Variants in GAL3ST2 observed in about 807,000 individuals in gnomAD.
GAL3ST2 encodes the protein galactose-3-O-sulfotransferase 2.
In GAL3ST2, 16 loss-of-function variants were observed where a neutral mutation model predicts 12.9. The observed-to-expected ratio is 1.24, with a 90% CI of 0.84 to 1.88. The LOEUF (loss-of-function observed/expected upper bound fraction) is 1.88, where lower values mean the gene tolerates loss of function less well. Ranked by LOEUF, GAL3ST2 falls within the 40% of genes most tolerant of loss-of-function variation. The probability of loss-of-function intolerance (pLI) is 0.00; values close to 1 mark genes in which losing one functional copy is unlikely to be tolerated. For missense variants in GAL3ST2, 639 were observed against 571.8 expected (o/e 1.12, Z -1.20); for synonymous variants, 302 against 273.9 (o/e 1.10, Z -1.01).
At chr2:241,796,806 A>G (rs62193077) in intron 1 of GAL3ST2, among the ~76,000 whole-genome samples, 55,672 of 151,914 alleles carry the variant, frequency 0.37, 13,015 homozygotes, top group African/African-American at 0.66. Context: ...GGCTGTTGGC[A>G]GCCCTGAGCT....
chr2:241,783,819 C>T (rs986984750), intron 1 of GAL3ST2, among the ~76,000 whole-genome samples: 1 of 152,186 alleles, frequency 6.6e-6, no homozygotes, highest in Non-Finnish European at 1.5e-5. Flanking sequence ...TCCAGGCCAT[C>T]CTTGTTCATT....
At position 241,804,017 on chromosome 2, in the gene GAL3ST2, C is replaced by T; in HGVS notation, c.1048C>T (p.Leu350=). ...RPYQSGKADI[L]GYNLRPGLDN... is the part of the protein sequence containing the mutation. ...CTACCAGTCCGGCAAGGCCGACATCCTGGGTTACAACCTCCGGCCGGGCCT... is the reference window on the plus strand; with the variant it reads ...CTACCAGTCCGGCAAGGCCGACATCTTGGGTTACAACCTCCGGCCGGGCCT... The change falls in exon 4 of 4, where the codon CTG becomes TTG. Residue 350 remains leucine, a synonymous_variant. Transcript: ENST00000192314. The T allele has an allele frequency of 1.9e-6, 3 of 1,568,376 alleles. No individual in the cohort carries two copies. The highest frequency in any genetic ancestry group is 2.5e-5 in the East Asian group (1 of 40,534).
At chr2:241,790,468 T>C (rs745695632) in intron 1 of GAL3ST2, among the ~76,000 whole-genome samples, 1 of 152,130 alleles carries the variant, frequency 6.6e-6, no homozygotes, top group Non-Finnish European at 1.5e-5. Context: ...AAATTTGGGG[T>C]ATATTTGTTT....
intron 1 of GAL3ST2, among the ~76,000 whole-genome samples, chr2:241,789,310 T>C (rs1285589363): frequency 6.6e-6 from 1 of 152,200 alleles, no homozygotes; most frequent in Non-Finnish European, 1.5e-5. Context: ...GTGATGTATA[T>C]GTCTGTGTGT....
intron 1 of GAL3ST2, among the ~76,000 whole-genome samples, chr2:241,790,376 T>C (rs951323846): frequency 9.2e-5 from 14 of 152,348 alleles, no homozygotes; most frequent in East Asian, 3.9e-4. Context: ...GCTGATTCTT[T>C]CTTTTGTATT....
intron 1 of GAL3ST2, among the ~76,000 whole-genome samples, chr2:241,790,792 G>A (rs1417279308): frequency 6.6e-6 from 1 of 152,126 alleles, no homozygotes; most frequent in Non-Finnish European, 1.5e-5. Context: ...TCAATTAAGA[G>A]CCAGGCACCC....
chr2:241,799,856 C>A (rs1032383037), intron 2 of GAL3ST2, among the ~76,000 whole-genome samples: 2 of 152,300 alleles, frequency 1.3e-5, no homozygotes, highest in African/African-American at 4.8e-5. Context: ...TCTGCTGGCC[C>A]TGTTCTGGGG....
chr2:241,803,270 C>T (rs377630701), intron 3 of GAL3ST2, 75 bp from the exon 4 acceptor site: 4 of 1,229,124 alleles, frequency 3.3e-6, no homozygotes, highest in East Asian at 2.5e-5. Context: ...GTGGCCAGGG[C>T]GCGCCTCCTC....
intron 1 of GAL3ST2, among the ~76,000 whole-genome samples, chr2:241,781,568 ATAATT>A (rs1699566943): frequency 1.3e-5 from 2 of 152,066 alleles, no homozygotes; most frequent in African/African-American, 4.8e-5. Context: ...GTGGCACAGT[ATAATT>A]TAACATAAGA....
At chr2:241,782,969 C>G (rs892897004) in intron 1 of GAL3ST2, among the ~76,000 whole-genome samples, 1 of 152,080 alleles carries the variant, frequency 6.6e-6, no homozygotes, top group Non-Finnish European at 1.5e-5. Flanking sequence ...GAAACCCTGT[C>G]TCTACTAAAA....
In GAL3ST2 at chr2:241,793,454, A is replaced by C. The variant is rs997969541; in HGVS notation, c.30-5611A>C. 6.7e-6 allele frequency among the ~76,000 whole-genome samples: 1 copy of C among 148,604 alleles called. No individual in the cohort carries two copies. Among genetic ancestry groups the C allele is most frequent in the Admixed American group, 6.6e-5 (1 of 15,070 alleles). ...GTGTACGTGTATGTATGTACTGTGTATGCGTGTGTATGTGTATGCATGTGT... is the reference window on the plus strand; with the variant it reads ...GTGTACGTGTATGTATGTACTGTGTCTGCGTGTGTATGTGTATGCATGTGT... On this transcript the variant is annotated intron_variant, in intron 1 of 3. Coordinates refer to ENST00000192314, the MANE Select transcript of GAL3ST2 (RefSeq NM_022134.3). This position sits in a 1 kb window ranked among gnomAD's most constrained non-coding sequence, Gnocchi z 4.7.
chr2:241,797,778 C>A lies in GAL3ST2; in HGVS notation c.30-1287C>A, dbSNP rs778193237. Among the ~76,000 whole-genome samples the A allele has an allele frequency of 3.3e-5, 5 of 152,316 alleles. No individual in the cohort carries two copies. The East Asian group carries it at 7.7e-4, about 23-fold the overall frequency. On this transcript the variant is annotated intron_variant, in intron 1 of 3. Coordinates refer to ENST00000192314, the MANE Select transcript of GAL3ST2 (RefSeq NM_022134.3). ...GTCCTGCCTCCCTGCTGTTCTAGCACCCCCAGCCCCCTGGCCCGCTTTGCC... is the reference window on the plus strand; with the variant it reads ...GTCCTGCCTCCCTGCTGTTCTAGCAACCCCAGCCCCCTGGCCCGCTTTGCC...
chr2:241,788,138 C>T (rs1383402828), intron 1 of GAL3ST2, among the ~76,000 whole-genome samples: 1 of 152,152 alleles, frequency 6.6e-6, no homozygotes, highest in Non-Finnish European at 1.5e-5. Context: ...TAATTCAGAA[C>T]AAGGGCACCA....
intron 1 of GAL3ST2, among the ~76,000 whole-genome samples, chr2:241,790,215 T>C (rs1041917801): frequency 5.9e-5 from 9 of 152,124 alleles, no homozygotes; most frequent in African/African-American, 2.4e-5. Context: ...CTGATAACTT[T>C]GGGGATTGTG....
chr2:241,796,143 T>C (rs1238994435), intron 1 of GAL3ST2, among the ~76,000 whole-genome samples: 1 of 152,172 alleles, frequency 6.6e-6, no homozygotes, highest in Non-Finnish European at 1.5e-5. Context: ...CAAGATGTCA[T>C]ACGAAGAGGT....
intron 1 of GAL3ST2, among the ~76,000 whole-genome samples, chr2:241,782,087 A>T (rs1407314537): frequency 6.6e-6 from 1 of 152,218 alleles, no homozygotes; most frequent in East Asian, 1.9e-4. Context: ...AACTTCCATA[A>T]GCCTTTGTAA....
rs1052445480 is a variant in GAL3ST2, at chr2:241,803,833, C to T, written c.864C>T (p.Arg288=). The change falls in exon 4 of 4, where the codon CGC becomes CGT. Residue 288 remains arginine, a synonymous_variant. Transcript: ENST00000192314. ...LDWRLYEHFN[R]TLWAQLRAEL... Reference sequence around the variant, plus strand: ...GGCGCCTGTACGAGCATTTCAACCGCACCCTCTGGGCGCAGCTGCGCGCCG... The same window carrying T: ...GGCGCCTGTACGAGCATTTCAACCGTACCCTCTGGGCGCAGCTGCGCGCCG... The T allele has an allele frequency of 6.7e-7, 1 of 1,487,214 alleles. No homozygotes were observed. The highest frequency in any genetic ancestry group is 1.3e-5 in the South Asian group (1 of 76,898). 92.1% of individuals were successfully genotyped at this position (1,487,214 alleles called of 1,614,324 possible). A position where few individuals can be genotyped will look rare whatever the true frequency, so the allele number is the denominator to read the frequency against.
chr2:241,781,186 G>C (rs964331968), intron 1 of GAL3ST2, among the ~76,000 whole-genome samples: 1 of 152,160 alleles, frequency 6.6e-6, no homozygotes, highest in African/African-American at 2.4e-5. Flanking sequence ...ATTCTTAAAA[G>C]CTGTAATAAC....
At chr2:241,785,541 A>G (rs1446001620) in intron 1 of GAL3ST2, among the ~76,000 whole-genome samples, 1 of 146,956 alleles carries the variant, frequency 6.8e-6, no homozygotes, top group East Asian at 2.0e-4. Flanking sequence ...AACAAAGATG[A>G]AACTCCGTCT....
Sources: allele counts gnomAD v4.1 joint callset (sites outside exome capture counted in the v4.1 genomes callset), GRCh38; gene constraint gnomAD v4.1.1; non-coding constraint Gnocchi (gnomAD v3.1); transcripts MANE v1.5; gene names NCBI Gene and HGNC (gene_info 2026-07-23, HGNC 2026-07-21).